The following GRAMD2B variants were observed in gnomAD, a reference collection of about 807,000 sequenced individuals.
GRAMD2B encodes GRAM domain containing 2B.
Under a neutral mutation model 59.2 loss-of-function variants are expected in GRAMD2B, and 41 were observed. The ratio of observed to expected loss-of-function variants is 0.69; its 90% confidence interval spans 0.54 to 0.90. GRAMD2B has a LOEUF of 0.90. GRAMD2B is among the 40% of genes least tolerant of loss of function. The pLI is 0.00. For synonymous variants in GRAMD2B, 161 were observed against 182.7 expected (o/e 0.88, Z 0.96); for missense variants, 424 against 500.5 (o/e 0.85, Z 1.46).
chr5:126,437,940 A>C (rs1163899829), intron 1 of GRAMD2B, among the ~76,000 whole-genome samples: 3 of 152,208 alleles, frequency 2.0e-5, no homozygotes, highest in African/African-American at 7.2e-5. Flanking sequence ...ATAATCCCTC[A>C]CTGTCAGTGC....
At chr5:126,469,583 C>A in intron 2 of GRAMD2B, 94 bp from the exon 3 acceptor site, 1 of 805,864 alleles carries the variant, frequency 1.2e-6, no homozygotes, top group Non-Finnish European at 2.1e-6. Flanking sequence ...TGCAGTGAAC[C>A]GTGATCATGC....
At chr5:126,483,755 C>G (rs1772324564) in intron 9 of GRAMD2B, 181 bp downstream of exon 9, 5 of 546,726 alleles carry the variant, frequency 9.1e-6, no homozygotes, top group Non-Finnish European at 1.3e-5. Flanking sequence ...AAAGAATTGC[C>G]TATGTGGTAA....
chr5:126,375,744 CT>C (rs1408284266), intron 1 of GRAMD2B, among the ~76,000 whole-genome samples: 5 of 152,166 alleles, frequency 3.3e-5, no homozygotes, highest in African/African-American at 1.2e-4. Flanking sequence ...TGCAATAATT[CT>C]AGATATCCTT....
intron 5 of GRAMD2B, among the ~76,000 whole-genome samples, chr5:126,476,141 C>T (rs562075431): frequency 9.3e-5 from 14 of 150,836 alleles, no homozygotes; most frequent in African/African-American, 2.9e-4. Flanking sequence ...GGTGTGGTGG[C>T]GCATGCCTGT....
At chr5:126,426,034 A>T (rs913470798) in intron 1 of GRAMD2B, among the ~76,000 whole-genome samples, 3 of 152,172 alleles carry the variant, frequency 2.0e-5, no homozygotes, top group Admixed American at 6.5e-5. Flanking sequence ...ATGATAGGTA[A>T]GCAAGACCAT....
chr5:126,387,472 A>C (rs1452172851), intron 1 of GRAMD2B, among the ~76,000 whole-genome samples: 1 of 151,850 alleles, frequency 6.6e-6, no homozygotes, highest in Non-Finnish European at 1.5e-5. Context: ...GAATAAAGAC[A>C]CTAAGAGAAG....
chr5:126,408,844 C>G (rs1200069702), intron 1 of GRAMD2B, among the ~76,000 whole-genome samples: 1 of 115,502 alleles, frequency 8.7e-6, no homozygotes. Context: ...CCCCCCTCCC[C>G]CCACCCGACA....
chr5:126,422,523 C>T (rs1361078673), upstream of GRAMD2B, among the ~76,000 whole-genome samples: 2 of 152,136 alleles, frequency 1.3e-5, no homozygotes, highest in African/African-American at 2.4e-5. Flanking sequence ...TTTTAAAGCT[C>T]ATCATCTATC....
At chr5:126,449,546 G>A (rs10071667) in intron 1 of GRAMD2B, among the ~76,000 whole-genome samples, 73,758 of 151,952 alleles carry the variant, frequency 0.49, 19,123 homozygotes, top group African/African-American at 0.67. Context: ...GATATCATGA[G>A]CTTCTTTTTC....
At chr5:126,454,137 C>T (rs982925333) in intron 1 of GRAMD2B, among the ~76,000 whole-genome samples, 1 of 152,098 alleles carries the variant, frequency 6.6e-6, no homozygotes, top group East Asian at 1.9e-4. Flanking sequence ...GTAAGACGAC[C>T]AACATGGCTG....
chr5:126,386,974 A>G (rs1223988400), intron 1 of GRAMD2B, among the ~76,000 whole-genome samples: 7 of 152,190 alleles, frequency 4.6e-5, no homozygotes, highest in African/African-American at 1.7e-4. Context: ...TTATCACCAT[A>G]TATTCTTTTA....
chr5:126,364,097 T>G (rs1754339268), intron 1 of GRAMD2B, among the ~76,000 whole-genome samples: 1 of 152,220 alleles, frequency 6.6e-6, no homozygotes, highest in Non-Finnish European at 1.5e-5. Flanking sequence ...AAATCCTTAT[T>G]ATGTTCAAGG....
At chr5:126,489,035 TA>T (rs1265318054) in intron 13 of GRAMD2B, 143 bp downstream of exon 13, 2 of 515,894 alleles carry the variant, frequency 3.9e-6, no homozygotes, top group Non-Finnish European at 7.0e-6. Context: ...GGGCTTTTTA[TA>T]GTAAATGTGG....
At chr5:126,474,590 C>A (rs1770226284) in intron 5 of GRAMD2B, among the ~76,000 whole-genome samples, 1 of 152,080 alleles carries the variant, frequency 6.6e-6, no homozygotes, top group Admixed American at 6.6e-5. Context: ...TAGTACTGAT[C>A]AATGTGATAT....
intron 5 of GRAMD2B, among the ~76,000 whole-genome samples, chr5:126,475,898 C>T (rs1165874072): frequency 6.6e-6 from 1 of 152,148 alleles, no homozygotes; most frequent in Non-Finnish European, 1.5e-5. Flanking sequence ...TACCTGAGGT[C>T]AGGAGTTTGA....
chr5:126,371,539 A>G, exon 1 of GRAMD2B: 1 of 1,289,166 alleles, frequency 7.8e-7, no homozygotes, highest in South Asian at 1.2e-5. Flanking sequence ...ACGCAGCTCC[A>G]CAGACAGCCC....
In GRAMD2B at chr5:126,411,367, C is replaced by T. The variant is rs539988475; in HGVS notation, c.125+39800C>T. Among the ~76,000 whole-genome samples, 4 of 152,188 alleles carry T rather than the reference C, an allele frequency of 2.6e-5. No homozygotes were observed. The South Asian group carries it at 8.3e-4, about 32-fold the overall frequency. ...CCATTTATTGAAAAGGGAGTCCTTTCCCCATTGCTTATTTTTGACAACTTT... is the reference window on the plus strand; with the variant it reads ...CCATTTATTGAAAAGGGAGTCCTTTTCCCATTGCTTATTTTTGACAACTTT... On this transcript the variant is annotated intron_variant, in intron 1 of 8. Transcript: ENST00000506445.
At position 126,360,567 on chromosome 5, in the gene GRAMD2B, G is replaced by A. The variant is rs563510176; in HGVS notation, c.128+108G>A. On this transcript the variant is annotated intron_variant, in intron 1 of 13. Transcript: ENST00000513040. ...TAAGGACAGAGTGTCTCCACATGGAGAATGTCTTTGATTGCCCACTGGGGG... is the reference window on the plus strand; with the variant it reads ...TAAGGACAGAGTGTCTCCACATGGAAAATGTCTTTGATTGCCCACTGGGGG... The A allele has an allele frequency of 2.0e-5, 22 of 1,114,138 alleles. 1 individual carries two copies. The African/African-American group carries it at 3.5e-4, about 18-fold the overall frequency. 69.0% of individuals were successfully genotyped at this position (1,114,138 alleles called of 1,614,324 possible).
At chr5:126,488,960 C>T (rs1773455393) in intron 13 of GRAMD2B, 68 bp downstream of exon 13, 2 of 1,094,306 alleles carry the variant, frequency 1.8e-6, no homozygotes. Context: ...TAGGTCAGGT[C>T]AGGGATTACA....
Sources: allele counts gnomAD v4.1 joint callset (sites outside exome capture counted in the v4.1 genomes callset), GRCh38; gene constraint gnomAD v4.1.1; transcripts MANE v1.5; gene names NCBI Gene and HGNC (gene_info 2026-07-23, HGNC 2026-07-21).